Variants in VPS13B observed in about 807,000 individuals in gnomAD.
VPS13B encodes the protein vacuolar protein sorting 13 homolog B.
Under a neutral mutation model 426.4 loss-of-function variants are expected in VPS13B, and 285 were observed. The observed-to-expected ratio is 0.67, with a 90% confidence interval of 0.61 to 0.74. VPS13B has a LOEUF of 0.74. VPS13B is among the 30% of genes least tolerant of loss of function. VPS13B has a pLI of 0.00. For synonymous variants in VPS13B, 1,676 were observed against 1,676.4 expected (o/e 1.00, Z 0.01); for missense variants, 4,537 against 4,782.6 (o/e 0.95, Z 1.51).
At chr8:99,234,757 G>A (rs1297683265) in intron 17 of VPS13B, among the ~76,000 whole-genome samples, 2 of 152,168 alleles carry the variant, frequency 1.3e-5, no homozygotes, top group East Asian at 3.8e-4. Context: ...TAATGTACAA[G>A]CATTAATAAA....
intron 39 of VPS13B, among the ~76,000 whole-genome samples, chr8:99,766,161 T>C (rs895370324): frequency 7.6e-6 from 1 of 132,434 alleles, no homozygotes; most frequent in African/African-American, 2.8e-5. Context: ...CTCACTGCAA[T>C]CTCTGCCTCC....
At chr8:99,023,999 G>A (rs983720163) in intron 2 of VPS13B, among the ~76,000 whole-genome samples, 1 of 152,128 alleles carries the variant, frequency 6.6e-6, no homozygotes, top group African/African-American at 2.4e-5. Flanking sequence ...TATAATGGCT[G>A]TACTAATATA....
chr8:99,601,700 C>T (rs544557312), intron 33 of VPS13B, among the ~76,000 whole-genome samples: 1 of 152,272 alleles, frequency 6.6e-6, no homozygotes, highest in East Asian at 1.9e-4. Context: ...TTCTAACTGG[C>T]CTGAGATGAT....
intron 17 of VPS13B, among the ~76,000 whole-genome samples, chr8:99,267,689 T>G (rs1818376113): frequency 6.7e-6 from 1 of 149,478 alleles, no homozygotes; most frequent in African/African-American, 2.5e-5. Context: ...ATCTTGCCAC[T>G]GCACTCCAGC....
rs568106929 is a variant in VPS13B at position 99,631,901 on chromosome 8, T to G, written c.5221-9910T>G. Among the ~76,000 whole-genome samples the G allele has an allele frequency of 1.4e-3, 218 of 152,172 alleles. 1 individual carries two copies. Among genetic ancestry groups the G allele is most frequent in the Non-Finnish European group, 2.1e-3 (143 of 67,938 alleles). ...AATTAAATTTTATTTCACATTTTGCTAATTAGTTTTGACATTAGCTCTATC... is the reference window on the plus strand; with the variant it reads ...AATTAAATTTTATTTCACATTTTGCGAATTAGTTTTGACATTAGCTCTATC... On this transcript the variant is annotated intron_variant, in intron 33 of 61. Coordinates refer to ENST00000357162, the MANE Select transcript of VPS13B (RefSeq NM_152564.5).
At chr8:99,504,136 G>T (rs538297057) in intron 27 of VPS13B, among the ~76,000 whole-genome samples, 1 of 152,248 alleles carries the variant, frequency 6.6e-6, no homozygotes, top group South Asian at 2.1e-4. Flanking sequence ...TGATTTCTTA[G>T]TTCATGCAAG....
intron 33 of VPS13B, among the ~76,000 whole-genome samples, chr8:99,638,945 A>C (rs544764328): frequency 6.6e-6 from 1 of 152,208 alleles, no homozygotes; most frequent in African/African-American, 2.4e-5. Flanking sequence ...TCAGTGATAT[A>C]TAGAAGCAGA....
intron 25 of VPS13B, among the ~76,000 whole-genome samples, chr8:99,487,187 G>A (rs1187204648): frequency 6.6e-6 from 1 of 151,690 alleles, no homozygotes; most frequent in Non-Finnish European, 1.5e-5. Flanking sequence ...ACAGAGGGTA[G>A]TGAAGGGTAG....
chr8:99,222,758 T>C (rs117295470), intron 17 of VPS13B, among the ~76,000 whole-genome samples: 2,653 of 152,338 alleles, frequency 0.017, 43 homozygotes, highest in South Asian at 0.073. Context: ...TAGTTGTTAA[T>C]GTCTAATACA....
intron 12 of VPS13B, among the ~76,000 whole-genome samples, chr8:99,141,911 G>GGC (rs1443804779): frequency 2.0e-5 from 3 of 151,284 alleles, no homozygotes; most frequent in Non-Finnish European, 4.4e-5. Context: ...AAATTAGCCG[G>GGC]GCGTGGTGGT....
chr8:99,756,780 C>T (rs1463563259), intron 39 of VPS13B, among the ~76,000 whole-genome samples: 2 of 152,166 alleles, frequency 1.3e-5, no homozygotes, highest in African/African-American at 2.4e-5. Flanking sequence ...AAAATGTATT[C>T]TCCGTTTATT....
intron 34 of VPS13B, among the ~76,000 whole-genome samples, chr8:99,643,922 T>C (rs1003874641): frequency 6.6e-6 from 1 of 152,228 alleles, no homozygotes; most frequent in Non-Finnish European, 1.5e-5. Context: ...CAAGAACTCA[T>C]GCCTATATAC....
chr8:99,168,921 G>C (rs1054026772), intron 15 of VPS13B, among the ~76,000 whole-genome samples: 1 of 151,974 alleles, frequency 6.6e-6, no homozygotes, highest in African/African-American at 2.4e-5. Context: ...ACTCAAAACT[G>C]AGTGTATAAG....
chr8:99,338,276 A>G (rs1390090959), intron 19 of VPS13B, among the ~76,000 whole-genome samples: 1 of 152,112 alleles, frequency 6.6e-6, no homozygotes, highest in Admixed American at 6.5e-5. Context: ...TTTGTAGATA[A>G]TCTTGAAGAA....
intron 29 of VPS13B, among the ~76,000 whole-genome samples, chr8:99,520,389 TTGTGTGTGTG>T (rs140216567): frequency 4.0e-4 from 56 of 138,570 alleles, no homozygotes; most frequent in Middle Eastern, 3.7e-3. Flanking sequence ...GTGATATACT[TTGTGTGTGTG>T]TGTGTGTGTG....
intron 21 of VPS13B, among the ~76,000 whole-genome samples, chr8:99,429,311 C>T (rs928636031): frequency 3.3e-5 from 5 of 150,546 alleles, no homozygotes; most frequent in Non-Finnish European, 5.9e-5. Context: ...AAAAGTATGT[C>T]TGATTGTTGG....
At chr8:99,674,656 C>G (rs1830852278) in intron 35 of VPS13B, among the ~76,000 whole-genome samples, 1 of 151,892 alleles carries the variant, frequency 6.6e-6, no homozygotes. Flanking sequence ...TTGTTTCTTC[C>G]TCTCGCTGTC....
At chr8:99,148,254 T>C (rs185122661) in intron 14 of VPS13B, among the ~76,000 whole-genome samples, 191 of 151,718 alleles carry the variant, frequency 1.3e-3, no homozygotes, top group African/African-American at 4.3e-3. Context: ...TTCCCAGCTC[T>C]TCAGGAGGCT....
intron 17 of VPS13B, among the ~76,000 whole-genome samples, chr8:99,193,539 A>G (rs545408032): frequency 2.0e-5 from 3 of 152,268 alleles, no homozygotes; most frequent in South Asian, 2.1e-4. Context: ...TCATATCACT[A>G]TAAGAGATAT....
Sources: gnomAD v4.1 joint callset for allele counts (sites outside exome capture counted in the v4.1 genomes callset) on GRCh38, gnomAD v4.1.1 for gene constraint, MANE v1.5 for transcripts, NCBI Gene and HGNC (gene_info 2026-07-23, HGNC 2026-07-21) for gene names.